The following GALNT13 variants were observed in gnomAD, a reference collection of about 807,000 sequenced individuals.
GALNT13 encodes UDP-GalNAc:polypeptide N-acetylgalactosaminyltransferase 13.
GALNT13 carries 28 observed loss-of-function variants against 64.2 expected under a neutral mutation model. The ratio of observed to expected loss-of-function variants is 0.44; its 90% CI spans 0.32 to 0.60. The LOEUF is 0.60. GALNT13 is among the 20% of genes least tolerant of loss of function. The probability of loss-of-function intolerance (pLI) is 0.05; values close to 1 mark genes in which losing one functional copy is unlikely to be tolerated. For missense variants in GALNT13, 577 were observed against 669.8 expected, an observed-to-expected ratio of 0.86 and a Z score of 1.53; for synonymous variants, 214 against 224.6, an observed-to-expected ratio of 0.95 and a Z score of 0.42.
intron 1 of GALNT13, among the ~76,000 whole-genome samples, chr2:153,878,995 G>T (rs1686584591): frequency 6.6e-6 from 1 of 152,114 alleles, no homozygotes; most frequent in Non-Finnish European, 1.5e-5. Flanking sequence ...AGGTGTTCAG[G>T]TCCCACTGAT....
At chr2:153,400,510 C>T in the GALNT13 span, among the ~76,000 whole-genome samples, 1 of 152,108 alleles carries the variant, frequency 6.6e-6, no homozygotes, top group African/African-American at 2.4e-5. Context: ...GTACTAGTTC[C>T]TCCTTGTACC....
rs190341545 is a variant in GALNT13 at position 154,277,601 on chromosome 2, C to A, written c.975+18463C>A. Among the ~76,000 whole-genome samples, 11 of 152,130 alleles carry A rather than the reference C, an allele frequency of 7.2e-5. No individual in the cohort carries two copies. In the East Asian group the frequency reaches 2.1e-3, roughly 29 times the overall value. ...TTTCTGCAATAACAGATTCTAGATA[C>A]TAGGACTGACTCTGAGTGTGTGAGA... On this transcript the variant is annotated intron_variant, in intron 8 of 12. Transcript: ENST00000392825.
the GALNT13 span, among the ~76,000 whole-genome samples, chr2:153,073,956 T>C: frequency 1.3e-5 from 2 of 152,184 alleles, no homozygotes; most frequent in African/African-American, 2.4e-5. Flanking sequence ...CATCTCATAG[T>C]GTCATTTACC....
the GALNT13 span, among the ~76,000 whole-genome samples, chr2:153,735,837 G>A: frequency 1.1e-4 from 16 of 152,264 alleles, no homozygotes; most frequent in African/African-American, 3.6e-4. Flanking sequence ...TGTTCATTCC[G>A]TTGCTTTCTA....
the GALNT13 span, among the ~76,000 whole-genome samples, chr2:153,185,178 G>C: frequency 9.2e-5 from 14 of 152,132 alleles, no homozygotes; most frequent in East Asian, 2.7e-3. Context: ...GTTCTTTCTG[G>C]TTCAGTCTTA....
the GALNT13 span, among the ~76,000 whole-genome samples, chr2:153,294,053 C>CT: frequency 4.6e-5 from 7 of 152,044 alleles, no homozygotes; most frequent in Non-Finnish European, 8.8e-5. Context: ...AACTTTTGGG[C>CT]TTAAAGCAAT....
intron 4 of GALNT13, among the ~76,000 whole-genome samples, chr2:154,172,983 A>G (rs1391964905): frequency 1.3e-5 from 2 of 152,068 alleles, no homozygotes; most frequent in Non-Finnish European, 2.9e-5. Flanking sequence ...TAAAATTTAT[A>G]TAGAACTACA....
At chr2:153,251,802 A>C in the GALNT13 span, among the ~76,000 whole-genome samples, 1 of 151,936 alleles carries the variant, frequency 6.6e-6, no homozygotes, top group Non-Finnish European at 1.5e-5. Flanking sequence ...ACATGAACTC[A>C]TCATTTTTTA....
At chr2:153,257,217 AGG>A in the GALNT13 span, among the ~76,000 whole-genome samples, 3 of 152,264 alleles carry the variant, frequency 2.0e-5, no homozygotes, top group South Asian at 6.2e-4. Flanking sequence ...CTGATTTTCC[AGG>A]TGCCGTCTGT....
chr2:154,417,528 T>TTTTTTTTTTTA (rs1226916965), intron 11 of GALNT13, among the ~76,000 whole-genome samples: 1 of 151,258 alleles, frequency 6.6e-6, no homozygotes, highest in African/African-American at 2.4e-5. Context: ...TTTATTTTTT[T>TTTTTTTTTTTA]GAGGCGGAGT....
the GALNT13 span, among the ~76,000 whole-genome samples, chr2:153,797,838 C>T: frequency 6.6e-6 from 1 of 152,200 alleles, no homozygotes; most frequent in Admixed American, 6.5e-5. Flanking sequence ...GAAGTATACC[C>T]ATAAGCAGAC....
the GALNT13 span, among the ~76,000 whole-genome samples, chr2:153,264,961 GT>G: frequency 6.6e-6 from 1 of 152,158 alleles, no homozygotes; most frequent in Non-Finnish European, 1.5e-5. Context: ...AATTAAAAAT[GT>G]TCTCTTGGAG....
At chr2:153,934,576 C>T (rs1690765842) in intron 2 of GALNT13, among the ~76,000 whole-genome samples, 1 of 152,244 alleles carries the variant, frequency 6.6e-6, no homozygotes, top group South Asian at 2.1e-4. Flanking sequence ...CAGTTTGTCA[C>T]ATATTGGTCT....
Position 154,450,424 on chromosome 2 carries a change from G to A in GALNT13, c.1544G>A (p.Arg515Gln), listed in dbSNP as rs747061747. The A allele has an allele frequency of 1.2e-5, 20 of 1,610,952 alleles. No homozygotes were observed. The highest frequency in any genetic ancestry group is 9.4e-5 in the African/African-American group (7 of 74,700). The part of the protein sequence containing the change: ...WEYDAERLTL[R>Q]HVNSNQCLDE... ...TATCTTTTACAGAGACTCACGTTGCGACATGTTAACAGTAACCAATGTCTC... is the reference window on the plus strand; with the variant it reads ...TATCTTTTACAGAGACTCACGTTGCAACATGTTAACAGTAACCAATGTCTC... Residue 515 changes from arginine (R) to glutamine (Q), a missense_variant, in exon 13 of 13, where the codon CGA (arginine) becomes CAA (glutamine). Physicochemically the swap from Arg to Gln is conservative, Grantham distance 43. This residue lies in a region of GALNT13 where 232 missense variants were observed against 270.6 expected (regional missense o/e 0.86). Transcript: ENST00000392825.
the GALNT13 span, among the ~76,000 whole-genome samples, chr2:153,341,070 G>A: frequency 1.3e-5 from 2 of 152,108 alleles, no homozygotes; most frequent in African/African-American, 4.8e-5. Flanking sequence ...AGAACCACCA[G>A]TTTAGTAAAG....
At chr2:153,253,473 C>G in the GALNT13 span, among the ~76,000 whole-genome samples, 2 of 142,442 alleles carry the variant, frequency 1.4e-5, no homozygotes. Flanking sequence ...CTTCTGCTGC[C>G]TAATTGCCCT....
chr2:153,645,469 A>T, the GALNT13 span, among the ~76,000 whole-genome samples: 1 of 152,124 alleles, frequency 6.6e-6, no homozygotes, highest in Admixed American at 6.6e-5. Flanking sequence ...AAATTCTGAG[A>T]TAAAGTGATT....
chr2:153,200,931 A>G, the GALNT13 span, among the ~76,000 whole-genome samples: 1 of 152,252 alleles, frequency 6.6e-6, no homozygotes, highest in Admixed American at 6.5e-5. Flanking sequence ...GAGGTTGACT[A>G]GAAGGTAATG....
chr2:154,268,415 C>A, intron 8 of GALNT13, among the ~76,000 whole-genome samples: 1 of 152,032 alleles, frequency 6.6e-6, no homozygotes, highest in East Asian at 1.9e-4. Context: ...ATTGAGGTGG[C>A]AGAGGGAGGA....
Sources: gnomAD v4.1 joint callset for allele counts (sites outside exome capture counted in the v4.1 genomes callset) on GRCh38, gnomAD v4.1.1 for gene constraint, gnomAD v4.1.1 regional missense constraint, MANE v1.5 for transcripts, NCBI Gene and HGNC (gene_info 2026-07-23, HGNC 2026-07-21) for gene names.